The following CEP128 variants were observed in gnomAD, a reference collection of about 807,000 sequenced individuals.
CEP128 encodes centrosomal protein 128kDa.
Under a neutral mutation model 156.7 loss-of-function variants are expected in CEP128, and 132 were observed. The observed-to-expected ratio is 0.84, with a 90% CI of 0.73 to 0.97. The LOEUF (loss-of-function observed/expected upper bound fraction) is 0.97, where lower values mean the gene tolerates loss of function less well. Ranked by LOEUF, CEP128 falls within the 50% of genes least tolerant of loss-of-function variation. The probability of loss-of-function intolerance (pLI) is 0.00; values close to 1 mark genes in which losing one functional copy is unlikely to be tolerated. For synonymous variants in CEP128, 469 were observed against 448.9 expected (o/e 1.04, Z -0.57); for missense variants, 1,252 against 1,281.9 (o/e 0.98, Z 0.36).
intron 8 of CEP128, among the ~76,000 whole-genome samples, chr14:80,869,973 T>C (rs1887947724): frequency 6.6e-6 from 1 of 152,006 alleles, no homozygotes; most frequent in Admixed American, 6.6e-5. Context: ...ATGAACAATT[T>C]TATGCCAACA....
chr14:80,861,460 G>A (rs1365730834), intron 9 of CEP128, among the ~76,000 whole-genome samples: 2 of 152,010 alleles, frequency 1.3e-5, no homozygotes, highest in Non-Finnish European at 2.9e-5. Context: ...AACATTATAT[G>A]ACTCCTGATA....
intron 21 of CEP128, among the ~76,000 whole-genome samples, chr14:80,535,998 C>T (rs1256000633): frequency 6.6e-6 from 1 of 152,198 alleles, no homozygotes; most frequent in Non-Finnish European, 1.5e-5. Flanking sequence ...TATCTGTTGA[C>T]AAGGGCAAAG....
Position 80,880,902 on chromosome 14 carries a change from A to ATT in CEP128, c.645+14815_645+14816insAA, listed in dbSNP as rs1566689631. Reference sequence around the variant, plus strand: ...TAATAATAATAATAATAATAATAATAATAATAATTTCAGTAAAGGATACAA... The same window carrying ATT: ...TAATAATAATAATAATAATAATAATATTATAATAATTTCAGTAAAGGATACAA... On this transcript the variant is annotated intron_variant, in intron 8 of 24. Coordinates refer to ENST00000555265, the MANE Select transcript of CEP128 (RefSeq NM_152446.5). Among the ~76,000 whole-genome samples the ATT allele has an allele frequency of 4.2e-4, 57 of 136,410 alleles. 1 individual carries two copies. The East Asian group carries it at 0.011, about 25-fold the overall frequency. The allele number at this position is 136,410 out of a possible 152,430, so 89.5% of individuals were successfully genotyped here. A position where few individuals can be genotyped will look rare whatever the true frequency, so the allele number is the denominator to read the frequency against.
chr14:80,926,559 C>T (rs965727044), intron 2 of CEP128, among the ~76,000 whole-genome samples: 1 of 152,198 alleles, frequency 6.6e-6, no homozygotes, highest in African/African-American at 2.4e-5. Flanking sequence ...TAGCTTTGCC[C>T]ATCCACCTAC....
chr14:80,628,559 C>T (rs1240088617), intron 19 of CEP128, among the ~76,000 whole-genome samples: 1 of 152,150 alleles, frequency 6.6e-6, no homozygotes, highest in African/African-American at 2.4e-5. Flanking sequence ...TCCATTTCCC[C>T]CTTTCTCCTA....
intron 16 of CEP128, among the ~76,000 whole-genome samples, chr14:80,773,383 TTA>T (rs1304904664): frequency 6.6e-6 from 1 of 152,004 alleles, no homozygotes; most frequent in Non-Finnish European, 1.5e-5. Flanking sequence ...AAAACAGCAT[TTA>T]TAAAACATAA....
chr14:80,492,087 GAAGAA>G (rs1340383844), downstream of CEP128, among the ~76,000 whole-genome samples: 8 of 152,118 alleles, frequency 5.3e-5, no homozygotes, highest in Non-Finnish European at 7.4e-5. Flanking sequence ...CAAGAGCTAA[GAAGAA>G]AAGGGGGAAA....
intron 6 of CEP128, among the ~76,000 whole-genome samples, chr14:80,900,977 C>T (rs1449972071): frequency 1.3e-5 from 2 of 151,814 alleles, no homozygotes; most frequent in African/African-American, 4.8e-5. Flanking sequence ...GAGGCCGAGG[C>T]GGGCGGATCA....
chr14:80,763,838 C>A (rs1203763745), intron 16 of CEP128, among the ~76,000 whole-genome samples: 1 of 152,102 alleles, frequency 6.6e-6, no homozygotes, highest in Non-Finnish European at 1.5e-5. Flanking sequence ...GAGCTTATAA[C>A]CTTGGAGGCT....
chr14:80,739,400 AACATTC>A (rs765257680), intron 19 of CEP128, among the ~76,000 whole-genome samples: 34 of 152,158 alleles, frequency 2.2e-4, no homozygotes, highest in Non-Finnish European at 3.8e-4. Flanking sequence ...TGTTCTTTCC[AACATTC>A]ACTTCTCTAC....
At chr14:80,486,241 A>G (rs1219415469), downstream of CEP128, among the ~76,000 whole-genome samples, 1 of 152,186 alleles carries the variant, frequency 6.6e-6, no homozygotes, top group African/African-American at 2.4e-5. Flanking sequence ...TCAGGAGCCG[A>G]TGTGATCAAC....
intron 19 of CEP128, 38 bp downstream of exon 19, chr14:80,743,037 T>C (rs1207990516): frequency 1.9e-5 from 30 of 1,588,118 alleles, no homozygotes; most frequent in Non-Finnish European, 2.4e-5. Context: ...ATTCCATAAA[T>C]ATAAACAAAG....
At chr14:80,507,726 A>G (rs1202225743) in intron 23 of CEP128, among the ~76,000 whole-genome samples, 1 of 152,210 alleles carries the variant, frequency 6.6e-6, no homozygotes, top group Admixed American at 6.5e-5. Context: ...AGGTTTGAGT[A>G]TCTTGTTGAA....
chr14:80,483,073 G>T (rs1887088679), intron 14 of CEP128, among the ~76,000 whole-genome samples: 1 of 152,150 alleles, frequency 6.6e-6, no homozygotes, highest in African/African-American at 2.4e-5. Context: ...ACTTACTGAG[G>T]ATGACATTGA....
intron 19 of CEP128, among the ~76,000 whole-genome samples, chr14:80,627,986 T>C (rs1169337590): frequency 6.6e-6 from 1 of 152,156 alleles, no homozygotes; most frequent in African/African-American, 2.4e-5. Flanking sequence ...ATAAAACAGT[T>C]TGAAATATCC....
At chr14:80,751,835 T>C (rs1359897552) in intron 18 of CEP128, among the ~76,000 whole-genome samples, 1 of 152,104 alleles carries the variant, frequency 6.6e-6, no homozygotes, top group Non-Finnish European at 1.5e-5. Flanking sequence ...TTCGTCATGT[T>C]GGTCAGGCTG....
At chr14:80,949,245 C>T (rs1358698215) in intron 2 of CEP128, among the ~76,000 whole-genome samples, 1 of 152,088 alleles carries the variant, frequency 6.6e-6, no homozygotes, top group Non-Finnish European at 1.5e-5. Context: ...GTTTCCAAGT[C>T]ATGGTGCAAG....
At chr14:80,772,091 T>C (rs1461078261) in intron 16 of CEP128, among the ~76,000 whole-genome samples, 1 of 152,030 alleles carries the variant, frequency 6.6e-6, no homozygotes, top group Non-Finnish European at 1.5e-5. Context: ...CACACGGAAA[T>C]ATGGGGTAGA....
At chr14:80,749,221 T>C (rs1056255443) in intron 18 of CEP128, among the ~76,000 whole-genome samples, 2 of 152,124 alleles carry the variant, frequency 1.3e-5, no homozygotes, top group African/African-American at 4.8e-5. Flanking sequence ...GGAGAACATA[T>C]GGAGGTTTCT....
Sources: allele counts gnomAD v4.1 joint callset (sites outside exome capture counted in the v4.1 genomes callset), GRCh38; gene constraint gnomAD v4.1.1; transcripts MANE v1.5; gene names NCBI Gene and HGNC (gene_info 2026-07-23, HGNC 2026-07-21).